Variants in CSMD1 observed in about 807,000 individuals in gnomAD.
CSMD1 encodes the protein CUB and sushi domain-containing protein 1.
CSMD1 carries 213 observed loss-of-function variants against 417.5 expected under a neutral mutation model. The ratio of observed to expected loss-of-function variants is 0.51; its 90% CI spans 0.46 to 0.57. CSMD1 has a LOEUF of 0.57. Among genes scored for constraint, CSMD1 ranks in the 20% least tolerant of loss-of-function variants. The pLI is 0.00. For missense variants in CSMD1, 6,923 were observed against 4,529.7 expected, an observed-to-expected ratio of 1.53 and a Z score of -15.17; for synonymous variants, 2,862 against 1,736.8, an observed-to-expected ratio of 1.65 and a Z score of -16.11.
chr8:3,522,742 G>T (rs560181935), intron 10 of CSMD1, among the ~76,000 whole-genome samples: 1 of 151,870 alleles, frequency 6.6e-6, no homozygotes, highest in Admixed American at 6.6e-5. Context: ...TGTGGCATTC[G>T]GGAACTACAA....
chr8:4,788,971 G>C (rs555889155), intron 1 of CSMD1, among the ~76,000 whole-genome samples: 2 of 152,256 alleles, frequency 1.3e-5, no homozygotes, highest in African/African-American at 2.4e-5. Flanking sequence ...ACTGAGATCA[G>C]ACAGCACTTA....
chr8:4,254,247 C>T (rs1268473795), intron 3 of CSMD1, among the ~76,000 whole-genome samples: 1 of 152,198 alleles, frequency 6.6e-6, no homozygotes, highest in South Asian at 2.1e-4. Flanking sequence ...TCCCTCTCTT[C>T]ACCAAATAAA....
At chr8:3,691,083 T>C (rs1800212584) in intron 7 of CSMD1, among the ~76,000 whole-genome samples, 2 of 151,980 alleles carry the variant, frequency 1.3e-5, no homozygotes, top group Non-Finnish European at 2.9e-5. Flanking sequence ...ACTGTATCAA[T>C]GGGCCGGGCT....
At chr8:4,937,266 G>A (rs1345760986) in intron 1 of CSMD1, among the ~76,000 whole-genome samples, 1 of 151,968 alleles carries the variant, frequency 6.6e-6, no homozygotes, top group Non-Finnish European at 1.5e-5. Flanking sequence ...CAAATCTGGT[G>A]GTATAGTCCT....
chr8:3,519,439 G>T (rs1344508849), intron 10 of CSMD1, among the ~76,000 whole-genome samples: 1 of 152,120 alleles, frequency 6.6e-6, no homozygotes, highest in Admixed American at 6.6e-5. Context: ...AAAAGATGAA[G>T]TTTCTTGATC....
At chr8:3,240,757 G>T (rs1007409153) in intron 26 of CSMD1, among the ~76,000 whole-genome samples, 1 of 152,088 alleles carries the variant, frequency 6.6e-6, no homozygotes, top group African/African-American at 2.4e-5. Flanking sequence ...GAGAGTATAT[G>T]GGTTTGGCAC....
intron 9 of CSMD1, among the ~76,000 whole-genome samples, chr8:3,584,535 C>A (rs1033796548): frequency 7.6e-6 from 1 of 130,810 alleles, no homozygotes; most frequent in African/African-American, 2.5e-5. Flanking sequence ...ATAAGCACCT[C>A]TGAGTGTGTG....
chr8:3,671,559 T>TA (rs1563257079), intron 7 of CSMD1, among the ~76,000 whole-genome samples: 120 of 4,668 alleles, frequency 0.026, 18 homozygotes, highest in East Asian at 0.061. Context: ...ATATATATGA[T>TA]CATATATATA....
At chr8:3,463,906 C>G (rs1173738832) in intron 12 of CSMD1, among the ~76,000 whole-genome samples, 1 of 152,172 alleles carries the variant, frequency 6.6e-6, no homozygotes. Flanking sequence ...GGAGCACAGA[C>G]CCTTGGCCAC....
At chr8:4,231,961 CT>C (rs1801760614) in intron 3 of CSMD1, among the ~76,000 whole-genome samples, 1 of 152,090 alleles carries the variant, frequency 6.6e-6, no homozygotes, top group East Asian at 1.9e-4. Context: ...CTCCTCCTTT[CT>C]TTCTTTTGCA....
At chr8:3,627,896 G>A (rs1446275848) in intron 7 of CSMD1, among the ~76,000 whole-genome samples, 1 of 152,148 alleles carries the variant, frequency 6.6e-6, no homozygotes, top group Non-Finnish European at 1.5e-5. Flanking sequence ...ACCTTTAGGA[G>A]AGCTTTAAGG....
At chr8:4,402,800 CTTTTTTTTTT>C (rs60965667) in intron 3 of CSMD1, among the ~76,000 whole-genome samples, 24 of 89,372 alleles carry the variant, frequency 2.7e-4, no homozygotes, top group Non-Finnish European at 3.6e-4. Flanking sequence ...TCACTTTTTT[CTTTTTTTTTT>C]TTTTTTTTTT....
At chr8:3,062,882 G>C (rs917323566) in intron 49 of CSMD1, among the ~76,000 whole-genome samples, 6 of 152,142 alleles carry the variant, frequency 3.9e-5, no homozygotes, top group Admixed American at 3.9e-4. Flanking sequence ...TACTTTTAGA[G>C]TGTTGTTCAA....
At chr8:4,192,642 G>T (rs192398006) in intron 3 of CSMD1, among the ~76,000 whole-genome samples, 6 of 152,316 alleles carry the variant, frequency 3.9e-5, no homozygotes, top group African/African-American at 1.2e-4. Flanking sequence ...TATTTGCTCA[G>T]GGATCAGAGT....
At position 4,295,409 on chromosome 8, in the gene CSMD1, C is replaced by G. The variant is rs149980989; in HGVS notation, c.415+124544G>C. Among the ~76,000 whole-genome samples the G allele has an allele frequency of 9.4e-3, 1,336 of 142,852 alleles. 20 individuals are homozygous for G. The highest frequency in any genetic ancestry group is 0.033 in the African/African-American group (1,292 of 39,680). 93.7% of individuals were successfully genotyped at this position (142,852 alleles called of 152,430 possible). On this transcript the variant is annotated intron_variant, in intron 3 of 69. Transcript: ENST00000635120. The stretch of plus-strand genomic sequence containing the variant: ...ACATATAATCTTAAGATTATATAAT[C>G]TTATTATACACATATAATCTTAAGA...
chr8:4,317,254 TA>T (rs951056445), intron 3 of CSMD1, among the ~76,000 whole-genome samples: 19 of 152,214 alleles, frequency 1.2e-4, no homozygotes, highest in African/African-American at 4.3e-4. Flanking sequence ...TTCTTTTTTT[TA>T]CTATGTATGA....
At chr8:4,051,754 C>T (rs995827575) in intron 3 of CSMD1, among the ~76,000 whole-genome samples, 1 of 152,144 alleles carries the variant, frequency 6.6e-6, no homozygotes, top group African/African-American at 2.4e-5. Context: ...AACACCACTG[C>T]TGGTTTTGGT....
At chr8:3,407,819 A>G (rs1812447608) in intron 14 of CSMD1, 80 bp downstream of exon 14, 4 of 1,229,444 alleles carry the variant, frequency 3.3e-6, no homozygotes, top group Middle Eastern at 2.0e-4. Flanking sequence ...TTGAAATGCA[A>G]CTTCACATAC....
In CSMD1 at chr8:2,936,262, C is replaced by A. The variant is rs539072113; in HGVS notation, c.*2323G>T. ...GTCCTGTCATTTCAGGATTTCATAG[C>A]ATCGTTGACCAGGGAGCAGGTCAGG... On this transcript the variant is annotated 3_prime_UTR_variant, in exon 70 of 70. Coordinates refer to ENST00000635120, the MANE Select transcript of CSMD1 (RefSeq NM_033225.6). 17 of 151,904 alleles carry A rather than the reference C, an allele frequency of 1.1e-4. No individual in the cohort carries two copies. The highest frequency in any genetic ancestry group is 1.6e-4 in the Non-Finnish European group (11 of 68,006). 9.4% of individuals were successfully genotyped at this position (151,904 alleles called of 1,614,324 possible). A position where few individuals can be genotyped will look rare whatever the true frequency, so the allele number is the denominator to read the frequency against.
Sources: gnomAD v4.1 joint callset for allele counts (sites outside exome capture counted in the v4.1 genomes callset) on GRCh38, gnomAD v4.1.1 for gene constraint, MANE v1.5 for transcripts, NCBI Gene and HGNC (gene_info 2026-07-23, HGNC 2026-07-21) for gene names.